Variants in STXBP6 observed in about 807,000 individuals in gnomAD.
STXBP6 encodes syntaxin-binding protein 6.
A neutral mutation model predicts 26.9 loss-of-function variants in STXBP6; 21 were observed. The observed-to-expected ratio is 0.78, with a 90% CI of 0.55 to 1.12. The LOEUF (loss-of-function observed/expected upper bound fraction) is 1.12, where lower values mean the gene tolerates loss of function less well. Ranked by LOEUF, STXBP6 falls within the 50% of genes most tolerant of loss-of-function variation. STXBP6 has a pLI of 0.00. For missense variants in STXBP6, 232 were observed against 257.9 expected, an observed-to-expected ratio of 0.90 and a Z score of 0.69; for synonymous variants, 97 against 92.6, an observed-to-expected ratio of 1.05 and a Z score of -0.27.
At chr14:24,854,838 T>C (rs1051112207) in intron 4 of STXBP6, among the ~76,000 whole-genome samples, 2 of 152,068 alleles carry the variant, frequency 1.3e-5, no homozygotes, top group Non-Finnish European at 2.9e-5. Context: ...TTTTTCACTT[T>C]TGTACCATAG....
chr14:24,978,423 AT>A (rs1566529671), intron 1 of STXBP6, among the ~76,000 whole-genome samples: 1 of 152,148 alleles, frequency 6.6e-6, no homozygotes, highest in Non-Finnish European at 1.5e-5. Flanking sequence ...AATGCACAGG[AT>A]TTTTTTCTCT....
intron 1 of STXBP6, among the ~76,000 whole-genome samples, chr14:24,982,153 G>A (rs970846479): frequency 1.2e-4 from 19 of 152,086 alleles, no homozygotes; most frequent in Non-Finnish European, 2.5e-4. Context: ...CGGTTTTAAG[G>A]CACATTCTTT....
intron 2 of STXBP6, among the ~76,000 whole-genome samples, chr14:24,879,375 C>T (rs1160018782): frequency 1.3e-5 from 2 of 152,026 alleles, no homozygotes; most frequent in Non-Finnish European, 2.9e-5. Flanking sequence ...TTTTGTACCC[C>T]AAAGCTTTTC....
chr14:25,035,198 G>C lies in STXBP6; in HGVS notation c.-33+14680C>G, dbSNP rs142160297. 4.5e-3 allele frequency among the ~76,000 whole-genome samples: 683 copies of C among 151,300 alleles called. 4 individuals are homozygous for C. The highest frequency in any genetic ancestry group is 0.015 in the African/African-American group (612 of 41,236). On this transcript the variant is annotated intron_variant, in intron 1 of 5. Coordinates refer to ENST00000323944, the MANE Select transcript of STXBP6 (RefSeq NM_001394410.1). ...CTCATAGAAAGAACTTTAGACAGTT[G>C]TACCTGTGAGATAACACAGCCATCT...
intron 2 of STXBP6, among the ~76,000 whole-genome samples, chr14:24,910,513 C>T (rs887213738): frequency 6.6e-6 from 1 of 152,152 alleles, no homozygotes; most frequent in African/African-American, 2.4e-5. Context: ...TTGTGATTAT[C>T]ATCTTCTAGT....
Position 25,049,654 on chromosome 14 carries a change from TCCC to T in STXBP6, c.-33+221_-33+223del, listed in dbSNP as rs1393144358. On this transcript the variant is annotated intron_variant, in intron 1 of 5. Transcript: ENST00000323944. The surrounding 1 kb of genome is among the most constrained non-coding windows in gnomAD (Gnocchi z 5.6). ...GGTTGGAGAGAACCAGGGACACGAG[TCCC>T]TCTCTGCGCGCACAAAGCAGCTGCG... The T allele has an allele frequency of 9.1e-6, 9 of 985,020 alleles. No homozygotes were observed. The highest frequency in any genetic ancestry group is 6.2e-5 in the Admixed American group (1 of 16,258). 61.0% of individuals were successfully genotyped at this position (985,020 alleles called of 1,614,324 possible). A position where few individuals can be genotyped will look rare whatever the true frequency, so the allele number is the denominator to read the frequency against.
chr14:25,017,889 C>G (rs1181695998), intron 1 of STXBP6, among the ~76,000 whole-genome samples: 6 of 152,146 alleles, frequency 3.9e-5, no homozygotes, highest in African/African-American at 9.7e-5. Flanking sequence ...GTGTGAATCT[C>G]TGCTTGCTAT....
intron 2 of STXBP6, among the ~76,000 whole-genome samples, chr14:24,912,792 A>G (rs984034333): frequency 2.6e-5 from 4 of 152,168 alleles, no homozygotes; most frequent in Non-Finnish European, 5.9e-5. Flanking sequence ...GAGTAACTTC[A>G]TGTCAGTTGA....
At chr14:24,978,629 T>G (rs767599042) in intron 1 of STXBP6, among the ~76,000 whole-genome samples, 3 of 152,204 alleles carry the variant, frequency 2.0e-5, no homozygotes, top group Non-Finnish European at 4.4e-5. Context: ...AATTACAAAA[T>G]TTTTCCATCC....
intron 2 of STXBP6, among the ~76,000 whole-genome samples, chr14:24,884,008 T>C (rs549645793): frequency 3.3e-5 from 5 of 152,326 alleles, no homozygotes; most frequent in Admixed American, 6.5e-5. Context: ...AACCCCTCTT[T>C]TATTAAAGGC....
chr14:24,988,322 C>T (rs993574430), intron 1 of STXBP6, among the ~76,000 whole-genome samples: 20 of 151,998 alleles, frequency 1.3e-4, no homozygotes, highest in African/African-American at 4.4e-4. Flanking sequence ...TCTGTGTAGG[C>T]TTGGAGATCA....
In STXBP6 at chr14:25,019,349, A is replaced by C. The variant is rs117777633; in HGVS notation, c.-33+30529T>G. On this transcript the variant is annotated intron_variant, in intron 1 of 5. Coordinates refer to ENST00000323944, the MANE Select transcript of STXBP6 (RefSeq NM_001394410.1). ...TGATTCTTTCCTTGGGAATAGTTTG[A>C]GAAAAAAAAATCCAAGATTTTTCAC... Among the ~76,000 whole-genome samples, 622 of 152,282 alleles carry C rather than the reference A, an allele frequency of 4.1e-3. 13 individuals carry two copies. In the East Asian group the frequency reaches 0.042, roughly 10 times the overall value.
At chr14:24,911,389 G>A (rs1411354331) in intron 2 of STXBP6, among the ~76,000 whole-genome samples, 2 of 150,442 alleles carry the variant, frequency 1.3e-5, no homozygotes, top group South Asian at 4.2e-4. Context: ...GAGAGAGAGA[G>A]AGAGAAAGGA....
intron 2 of STXBP6, among the ~76,000 whole-genome samples, chr14:24,863,052 A>G (rs1333571761): frequency 6.6e-6 from 1 of 152,140 alleles, no homozygotes; most frequent in African/African-American, 2.4e-5. Context: ...TTCTGTTGAT[A>G]ATTTTATTAA....
At chr14:24,857,247 G>T in intron 2 of STXBP6, 90 bp from the exon 3 acceptor site, 1 of 1,524,312 alleles carries the variant, frequency 6.6e-7, no homozygotes, top group Non-Finnish European at 9.0e-7. Context: ...CACCTACTGT[G>T]TATATGCACA....
chr14:24,951,324 C>A (rs113488256), intron 2 of STXBP6, among the ~76,000 whole-genome samples: 14,612 of 152,146 alleles, frequency 0.096, 924 homozygotes, highest in East Asian at 0.26. Context: ...CACTGTCTTC[C>A]ACAATGGTTG....
At chr14:24,878,390 G>A (rs61976855) in intron 2 of STXBP6, among the ~76,000 whole-genome samples, 12 of 151,952 alleles carry the variant, frequency 7.9e-5, no homozygotes, top group African/African-American at 2.4e-4. Flanking sequence ...GTAGGGTCAC[G>A]TATGCATTCA....
intron 4 of STXBP6, among the ~76,000 whole-genome samples, chr14:24,835,460 AATGAC>A (rs1194262565): frequency 6.6e-6 from 1 of 152,224 alleles, no homozygotes; most frequent in Non-Finnish European, 1.5e-5. Context: ...AAATCAAGTC[AATGAC>A]ATTGTTTTTG....
At position 25,049,593 on chromosome 14, in the gene STXBP6, C is replaced by A. The variant is rs1339009455; in HGVS notation, c.-33+285G>T. The A allele has an allele frequency of 1.0e-6, 1 of 985,458 alleles. No individual in the cohort carries two copies. Among genetic ancestry groups the A allele is most frequent in the Non-Finnish European group, 1.2e-6 (1 of 829,998 alleles). The allele number at this position is 985,458 out of a possible 1,614,324, so 61.0% of individuals were successfully genotyped here. A position where few individuals can be genotyped will look rare whatever the true frequency, so the allele number is the denominator to read the frequency against. On this transcript the variant is annotated intron_variant, in intron 1 of 5. Coordinates refer to ENST00000323944, the MANE Select transcript of STXBP6 (RefSeq NM_001394410.1). This position sits in a 1 kb window ranked among gnomAD's most constrained non-coding sequence, Gnocchi z 5.6. Reference sequence around the variant, plus strand: ...TCTCGGAGGAAATCGCTCCGTTCTGCGGCTTGCCCAATACTGCCCGCACAA... The same window carrying A: ...TCTCGGAGGAAATCGCTCCGTTCTGAGGCTTGCCCAATACTGCCCGCACAA...
Sources: allele counts gnomAD v4.1 joint callset (sites outside exome capture counted in the v4.1 genomes callset), GRCh38; gene constraint gnomAD v4.1.1; non-coding constraint Gnocchi (gnomAD v3.1); transcripts MANE v1.5; gene names NCBI Gene and HGNC (gene_info 2026-07-23, HGNC 2026-07-21).